The following IFNLR1 variants were observed in gnomAD, a reference collection of about 807,000 sequenced individuals.
IFNLR1 encodes CRF2-12.
In IFNLR1, 28 loss-of-function variants were observed where a neutral mutation model predicts 52.5. That is an observed-to-expected ratio of 0.53 (90% confidence interval 0.40 to 0.73). IFNLR1 has a LOEUF of 0.73. Ranked by LOEUF, IFNLR1 falls within the 30% of genes least tolerant of loss-of-function variation. IFNLR1 has a pLI of 0.00. For synonymous variants in IFNLR1, 276 were observed against 274.9 expected (o/e 1.00, Z -0.04); for missense variants, 623 against 659.1 (o/e 0.95, Z 0.60).
rs141373260 is a variant in IFNLR1 at position 24,161,674 on chromosome 1, G to C, written c.378C>G (p.Ala126=). Residue 126 remains alanine, a synonymous_variant, in exon 4 of 7, where the codon GCC becomes GCG. Transcript: ENST00000327535. The part of the protein sequence containing the change: ...YLDYLFEVEP[A]PPVLVLTQTE... Reference sequence around the variant, plus strand: ...TCTGGGTGAGCACCAGGACAGGTGGGGCCGGCTCCACTGCAGAAACAGAGC... The same window carrying C: ...TCTGGGTGAGCACCAGGACAGGTGGCGCCGGCTCCACTGCAGAAACAGAGC... The C allele has an allele frequency of 9.3e-6, 14 of 1,503,860 alleles. No individual in the cohort carries two copies. In the African/African-American group the frequency reaches 1.9e-4, roughly 21 times the overall value. The allele number at this position is 1,503,860 out of a possible 1,614,324, so 93.2% of individuals were successfully genotyped here. A position where few individuals can be genotyped will look rare whatever the true frequency, so the allele number is the denominator to read the frequency against.
At chr1:24,177,657 A>G (rs539176357) in intron 2 of IFNLR1, among the ~76,000 whole-genome samples, 2 of 152,308 alleles carry the variant, frequency 1.3e-5, no homozygotes, top group South Asian at 4.1e-4. Flanking sequence ...TCCTCTGGCA[A>G]CACCCTCACA....
chr1:24,159,295 C>T, intron 5 of IFNLR1, 113 bp from the exon 6 acceptor site: 3 of 1,385,034 alleles, frequency 2.2e-6, no homozygotes, highest in Non-Finnish European at 3.0e-6. Flanking sequence ...AGAATAAACC[C>T]ATCCTGCAGA....
intron 1 of IFNLR1, among the ~76,000 whole-genome samples, chr1:24,184,442 T>C (rs7532146): frequency 0.093 from 14,123 of 152,130 alleles, 913 homozygotes; most frequent in South Asian, 0.19. Context: ...ACATTTGTTA[T>C]TGAGGTTTGT....
At chr1:24,183,303 A>C (rs1644709522) in intron 1 of IFNLR1, among the ~76,000 whole-genome samples, 1 of 152,056 alleles carries the variant, frequency 6.6e-6, no homozygotes. Flanking sequence ...TCCCCATTAA[A>C]AAAAAAAATA....
intron 2 of IFNLR1, among the ~76,000 whole-genome samples, chr1:24,172,361 G>A (rs1644590379): frequency 6.6e-6 from 1 of 151,998 alleles, no homozygotes; most frequent in African/African-American, 2.4e-5. Context: ...ATCAAAACTG[G>A]AACCTGATAC....
chr1:24,170,079 T>A (rs79902840), intron 2 of IFNLR1, among the ~76,000 whole-genome samples: 3,683 of 152,276 alleles, frequency 0.024, 57 homozygotes, highest in African/African-American at 0.033. Context: ...GGCCCTTCTA[T>A]CTCTTCTGCC....
intron 2 of IFNLR1, 38 bp downstream of exon 2, chr1:24,180,693 C>CCCA: frequency 7.1e-7 from 1 of 1,409,320 alleles, no homozygotes; most frequent in Non-Finnish European, 9.8e-7. Flanking sequence ...CCCACCCCCT[C>CCCA]AGTCTTCCCA....
At chr1:24,182,918 CAAAT>C (rs373444078) in intron 1 of IFNLR1, among the ~76,000 whole-genome samples, 41 of 150,176 alleles carry the variant, frequency 2.7e-4, no homozygotes, top group Non-Finnish European at 3.8e-4. Flanking sequence ...GACTCCATCT[CAAAT>C]AAATAAATAA....
intron 6 of IFNLR1, among the ~76,000 whole-genome samples, chr1:24,158,164 G>T (rs1022269826): frequency 5.9e-5 from 9 of 152,218 alleles, no homozygotes; most frequent in Non-Finnish European, 1.2e-4. Context: ...CATCCCAGGA[G>T]GGGGACGCTC....
At chr1:24,171,175 G>T (rs1644574566) in intron 2 of IFNLR1, among the ~76,000 whole-genome samples, 1 of 152,116 alleles carries the variant, frequency 6.6e-6, no homozygotes, top group Non-Finnish European at 1.5e-5. Context: ...CAAACTACAG[G>T]TAGAAAGTGA....
In IFNLR1 at chr1:24,156,962, C is replaced by T. The variant is rs571564969; in HGVS notation, c.*168G>A. 2 of 708,394 alleles carry T rather than the reference C, an allele frequency of 2.8e-6. No individual in the cohort carries two copies. The highest frequency in any genetic ancestry group is 3.7e-5 in the South Asian group (2 of 53,360). The allele number at this position is 708,394 out of a possible 1,614,324, so 43.9% of individuals were successfully genotyped here. On this transcript the variant is annotated 3_prime_UTR_variant, in exon 7 of 7. Transcript: ENST00000327535. ...GGCGGGTCACAGGAGGGAGGGGCAT[C>T]TTGTTGCTCAGCCCGACAGGCAAAC...
At chr1:24,173,724 C>T (rs1178461411) in intron 2 of IFNLR1, among the ~76,000 whole-genome samples, 1 of 150,608 alleles carries the variant, frequency 6.6e-6, no homozygotes, top group Admixed American at 6.6e-5. Context: ...TCATAGTTCA[C>T]TGCAGTCTAA....
In IFNLR1 at chr1:24,161,635, C is replaced by T; in HGVS notation, c.417G>A (p.Leu139=). The T allele has an allele frequency of 6.5e-7, 1 of 1,545,838 alleles. No individual in the cohort carries two copies. Among genetic ancestry groups the T allele is most frequent in the Non-Finnish European group, 8.7e-7 (1 of 1,143,492 alleles). ...GCAGCTGGTACGTGGCATTGGCACT[C>T]AGGATCTCCTCCGTCTGGGTGAGCA... The part of the protein sequence containing the change: ...VLVLTQTEEI[L]SANATYQLPP... Residue 139 remains leucine, a synonymous_variant, in exon 4 of 7, where the codon CTG becomes CTA. Coordinates refer to ENST00000327535, the MANE Select transcript of IFNLR1 (RefSeq NM_170743.4).
In IFNLR1 at chr1:24,187,165, T is replaced by C. The variant is rs1445765246; in HGVS notation, c.58+26A>G. The stretch of plus-strand genomic sequence containing the variant: ...CCGGCCCGGGGAGCCCTCTTCCCCC[T>C]CCCTCCCGCGGCCCCGCGCCCTTAC... On this transcript the variant is annotated intron_variant, in intron 1 of 6. Coordinates refer to ENST00000327535, the MANE Select transcript of IFNLR1 (RefSeq NM_170743.4). The C allele has an allele frequency of 3.5e-5, 47 of 1,353,258 alleles. No homozygotes were observed. The East Asian group carries it at 1.3e-3, about 37-fold the overall frequency. The allele number at this position is 1,353,258 out of a possible 1,614,324, so 83.8% of individuals were successfully genotyped here. A position where few individuals can be genotyped will look rare whatever the true frequency, so the allele number is the denominator to read the frequency against.
chr1:24,163,327 T>A (rs1035905039), intron 3 of IFNLR1, among the ~76,000 whole-genome samples: 2 of 152,150 alleles, frequency 1.3e-5, no homozygotes, highest in African/African-American at 4.8e-5. Flanking sequence ...GGCAGCGTTC[T>A]TAAGGACTAA....
rs1269060848 is a variant in IFNLR1 at position 24,157,587 on chromosome 1, C to T, written c.1106G>A (p.Arg369Lys). ...GCTTGGGACCAGAGGAGCCCTGGGC[C>T]TCCCTGAGTCCACCCCACCAGCCTC... ...HSEAGGVDSG[R>K]PRAPLVPSEG... The change falls in exon 7 of 7, where the codon AGG (arginine) becomes AAG (lysine). Residue 369 changes from arginine to lysine, a missense_variant. Physicochemically the swap from Arg to Lys is conservative, Grantham distance 26 (BLOSUM62 2). Coordinates refer to ENST00000327535, the MANE Select transcript of IFNLR1 (RefSeq NM_170743.4). The surrounding 1 kb of genome is among the most constrained non-coding windows in gnomAD (Gnocchi z 5.1). 2.5e-6 allele frequency: 4 copies of T among 1,611,236 alleles called. No individual in the cohort carries two copies. The highest frequency in any genetic ancestry group is 1.7e-6 in the Non-Finnish European group (2 of 1,178,746).
In IFNLR1 at chr1:24,180,845, C is replaced by T. The variant is rs200375008; in HGVS notation, c.68G>A (p.Arg23His). The T allele has an allele frequency of 7.4e-5, 120 of 1,613,334 alleles. No individual in the cohort carries two copies. The highest frequency in any genetic ancestry group is 7.1e-4 in the East Asian group (32 of 44,864). The change falls in exon 2 of 7, where the codon CGT becomes CAT. Residue 23 changes from arginine (R) to histidine (H), a missense_variant. Transcript: ENST00000327535. Reference sequence around the variant, plus strand: ...CGTCACATTCTGGGGAGGGGCCAGACGGGGCCTCCCTGGGGGAAAGAAAGG... The same window carrying T: ...CGTCACATTCTGGGGAGGGGCCAGATGGGGCCTCCCTGGGGGAAAGAAAGG... The part of the protein sequence containing the change: ...CLLQAAPGRP[R>H]LAPPQNVTLL...
intron 1 of IFNLR1, among the ~76,000 whole-genome samples, chr1:24,182,780 C>T (rs896279592): frequency 2.0e-5 from 3 of 152,076 alleles, no homozygotes; most frequent in South Asian, 4.1e-4. Context: ...ATTAGCCAGG[C>T]GTGGTGGTGC....
At position 24,157,668 on chromosome 1, in the gene IFNLR1, G is replaced by C. The variant is rs781439385; in HGVS notation, c.1025C>G (p.Pro342Arg). The change falls in exon 7 of 7, where the codon CCC (proline) becomes CGC (arginine). Residue 342 changes from proline (P) to arginine (R), a missense_variant. Transcript: ENST00000327535. The surrounding 1 kb of genome is among the most constrained non-coding windows in gnomAD (Gnocchi z 5.1). Reference protein sequence around the residue: ...EDTEDGVSFQPYIEPPSFLGQ... With the variant: ...EDTEDGVSFQRYIEPPSFLGQ... ...CAGGAAAGAAGGTGGTTCAATGTAGGGCTGGAAGCTGACGCCATCTTCTGT... is the reference window on the plus strand; with the variant it reads ...CAGGAAAGAAGGTGGTTCAATGTAGCGCTGGAAGCTGACGCCATCTTCTGT... 5 of 1,612,308 alleles carry C rather than the reference G, an allele frequency of 3.1e-6. No homozygotes were observed. The African/African-American group carries it at 4.0e-5, about 13-fold the overall frequency.
Sources: allele counts gnomAD v4.1 joint callset (sites outside exome capture counted in the v4.1 genomes callset), GRCh38; gene constraint gnomAD v4.1.1; non-coding constraint Gnocchi (gnomAD v3.1); transcripts MANE v1.5; gene names NCBI Gene and HGNC (gene_info 2026-07-23, HGNC 2026-07-21).